HSDL2: variants seen among roughly 807,000 people sequenced by gnomAD.
HSDL2 encodes the protein hydroxysteroid dehydrogenase like 2, also known as hydroxysteroid dehydrogenase-like protein 2.
In HSDL2, 27 loss-of-function variants were observed where a neutral mutation model predicts 46.3. The observed-to-expected ratio is 0.58, with a 90% CI of 0.43 to 0.80. HSDL2 has a LOEUF of 0.80. Ranked by LOEUF, HSDL2 falls within the 30% of genes least tolerant of loss-of-function variation. The pLI, the probability that HSDL2 is intolerant of heterozygous loss-of-function variation, is 0.00. For missense variants in HSDL2, 451 were observed against 502.7 expected (o/e 0.90, Z 0.98); for synonymous variants, 153 against 163.6 (o/e 0.94, Z 0.50).
At chr9:112,402,638 G>C (rs1564108585) in intron 1 of HSDL2, among the ~76,000 whole-genome samples, 1 of 151,796 alleles carries the variant, frequency 6.6e-6, no homozygotes, top group East Asian at 1.9e-4. Flanking sequence ...CAAAAAACAG[G>C]CTAGCCGGGC....
intron 1 of HSDL2, among the ~76,000 whole-genome samples, chr9:112,394,986 G>C (rs1831425896): frequency 6.6e-6 from 1 of 152,164 alleles, no homozygotes; most frequent in Non-Finnish European, 1.5e-5. Context: ...AGGTAAATCA[G>C]TTTGAGGGGA....
In HSDL2 at chr9:112,384,488, C is replaced by CT. The variant is rs1039361993; in HGVS notation, c.17+4316dup. Among the ~76,000 whole-genome samples the CT allele has an allele frequency of 1.3e-4, 19 of 151,820 alleles. No homozygotes were observed. In the East Asian group the frequency reaches 1.4e-3, roughly 11 times the overall value. On this transcript the variant is annotated intron_variant, in intron 1 of 10. Transcript: ENST00000398805. ...CTATACTCAAAGCAAAGAGATATGG[C>CT]TTTTTTTTACAGCAATAGTTGGGAC...
At chr9:112,450,785 G>C (rs906695192) in intron 8 of HSDL2, among the ~76,000 whole-genome samples, 2 of 151,916 alleles carry the variant, frequency 1.3e-5, no homozygotes, top group African/African-American at 4.8e-5. Flanking sequence ...TATTTTACCA[G>C]TAGGTTCATA....
chr9:112,448,772 G>A (rs1394510582), intron 8 of HSDL2, among the ~76,000 whole-genome samples: 3 of 151,766 alleles, frequency 2.0e-5, no homozygotes, highest in Non-Finnish European at 4.4e-5. Context: ...AGCCAGGATG[G>A]TCTCGATCTC....
At position 112,393,372 on chromosome 9, in the gene HSDL2, T is replaced by C. The variant is rs182815620; in HGVS notation, c.18-10623T>C. 5.4e-3 allele frequency among the ~76,000 whole-genome samples: 821 copies of C among 152,344 alleles called. 10 individuals are homozygous for C. Among genetic ancestry groups the C allele is most frequent in the African/African-American group, 0.019 (774 of 41,576 alleles). ...GTAGGAATATGGTGTGATACAGAAA[T>C]CAGAAGTATTCCAGTCACACTGCAC... On this transcript the variant is annotated intron_variant, in intron 1 of 10. Transcript: ENST00000398805.
At chr9:112,459,294 T>A (rs1409184963) in intron 9 of HSDL2, among the ~76,000 whole-genome samples, 155 bp from the exon 10 acceptor site, 2 of 152,256 alleles carry the variant, frequency 1.3e-5, no homozygotes, top group Non-Finnish European at 2.9e-5. Flanking sequence ...TACCTGGACG[T>A]GCTTAATAAA....
rs1833556497 is a variant in HSDL2, at chr9:112,470,794, C to T, written c.*250C>T. On this transcript the variant is annotated 3_prime_UTR_variant, in exon 11 of 11. Transcript: ENST00000398805. ...TATTTCAAGGGTTTAACCCTTTGAG[C>T]CTTACATCTCATTCACTGTCTTTCT... 8.1e-6 allele frequency: 2 copies of T among 247,432 alleles called. No individual in the cohort carries two copies. Among genetic ancestry groups the T allele is most frequent in the Admixed American group, 1.1e-4 (2 of 18,668 alleles). The allele number at this position is 247,432 out of a possible 1,614,324, so 15.3% of individuals were successfully genotyped here. A position where few individuals can be genotyped will look rare whatever the true frequency, so the allele number is the denominator to read the frequency against.
At chr9:112,467,070 T>C (rs548786713) in intron 10 of HSDL2, among the ~76,000 whole-genome samples, 1 of 152,328 alleles carries the variant, frequency 6.6e-6, no homozygotes, top group East Asian at 1.9e-4. Flanking sequence ...CTTGTAAATA[T>C]ATACTCAAAA....
chr9:112,418,794 C>T (rs1832054681), intron 5 of HSDL2, 66 bp from the exon 6 acceptor site: 1 of 867,972 alleles, frequency 1.2e-6, no homozygotes, highest in African/African-American at 1.7e-5. Context: ...TTGGTTATTT[C>T]TACTCACAAG....
chr9:112,418,159 T>A (rs1166696634), intron 5 of HSDL2, among the ~76,000 whole-genome samples: 1 of 120,274 alleles, frequency 8.3e-6, no homozygotes, highest in Non-Finnish European at 1.9e-5. Flanking sequence ...CTGTCACTTT[T>A]ATTTTAATCA....
chr9:112,395,648 C>G (rs1303288148), intron 1 of HSDL2, among the ~76,000 whole-genome samples: 1 of 152,210 alleles, frequency 6.6e-6, no homozygotes, highest in East Asian at 1.9e-4. Context: ...TCTTTAAGAT[C>G]AATAACTATG....
intron 6 of HSDL2, among the ~76,000 whole-genome samples, chr9:112,425,146 C>CT (rs1196108992): frequency 2.0e-5 from 3 of 151,996 alleles, no homozygotes; most frequent in Admixed American, 6.6e-5. Flanking sequence ...AGTTTCTTCC[C>CT]TTTTTTTAAC....
intron 9 of HSDL2, among the ~76,000 whole-genome samples, chr9:112,454,993 A>T (rs1465865563): frequency 1.3e-5 from 2 of 152,170 alleles, no homozygotes; most frequent in Non-Finnish European, 2.9e-5. Flanking sequence ...GGTGTGAGCC[A>T]TTGTGCCCAG....
At chr9:112,395,746 A>T (rs1377419164) in intron 1 of HSDL2, among the ~76,000 whole-genome samples, 1 of 152,242 alleles carries the variant, frequency 6.6e-6, no homozygotes, top group Non-Finnish European at 1.5e-5. Context: ...AATGGCCCTT[A>T]AAGCAGTTAC....
At position 112,409,028 on chromosome 9, in the gene HSDL2, T is replaced by C; in HGVS notation, c.395+7T>C. 6.6e-7 allele frequency: 1 copy of C among 1,510,264 alleles called. No individual in the cohort carries two copies. Among genetic ancestry groups the C allele is most frequent in the Non-Finnish European group, 9.2e-7 (1 of 1,091,716 alleles). 93.6% of individuals were successfully genotyped at this position (1,510,264 alleles called of 1,614,324 possible). A position where few individuals can be genotyped will look rare whatever the true frequency, so the allele number is the denominator to read the frequency against. On this transcript the variant is annotated splice_region_variant and intron_variant, in intron 4 of 10. Coordinates refer to ENST00000398805, the MANE Select transcript of HSDL2 (RefSeq NM_032303.5). ...CCAGAGGCACCTACCTTGCGTAAGTTTGCAAGAAGAGTTGTTGGGGAGGAA... is the reference window on the plus strand; with the variant it reads ...CCAGAGGCACCTACCTTGCGTAAGTCTGCAAGAAGAGTTGTTGGGGAGGAA...
At chr9:112,417,477 T>TAAA (rs71491043) in intron 5 of HSDL2, among the ~76,000 whole-genome samples, 4 of 111,112 alleles carry the variant, frequency 3.6e-5, no homozygotes, top group African/African-American at 3.4e-5. Flanking sequence ...ACCCTGACTC[T>TAAA]AAAAAAAAAA....
At position 112,416,945 on chromosome 9, in the gene HSDL2, G is replaced by A; in HGVS notation, c.499+1G>A. ...CCAGTTTGGTTCAAACAGCACTGTG[G>A]TAGGTGGTAGGTGGTAGGGTGAGGG... On this transcript the variant is annotated splice_donor_variant, in intron 5 of 10. Transcript: ENST00000398805. LOFTEE classifies it high-confidence loss of function. 1 of 1,340,218 alleles carries A rather than the reference G, an allele frequency of 7.5e-7. No individual in the cohort carries two copies. The highest frequency in any genetic ancestry group is 1.1e-6 in the Non-Finnish European group (1 of 933,844). The allele number at this position is 1,340,218 out of a possible 1,614,324, so 83.0% of individuals were successfully genotyped here.
intron 6 of HSDL2, among the ~76,000 whole-genome samples, chr9:112,423,796 C>T (rs189894673): frequency 1.3e-3 from 193 of 152,086 alleles, no homozygotes; most frequent in African/African-American, 4.4e-3. Context: ...TCACTGCAAC[C>T]TCTGCCTCTG....
chr9:112,411,245 T>C (rs1831858301), intron 4 of HSDL2, among the ~76,000 whole-genome samples: 2 of 152,234 alleles, frequency 1.3e-5, no homozygotes, highest in South Asian at 4.1e-4. Flanking sequence ...ATGAGACTTA[T>C]GCCAAGAGGG....
Sources: allele counts gnomAD v4.1 joint callset (sites outside exome capture counted in the v4.1 genomes callset), GRCh38; gene constraint gnomAD v4.1.1; transcripts MANE v1.5; gene names NCBI Gene and HGNC (gene_info 2026-07-23, HGNC 2026-07-21).